ABHD3: variants seen among roughly 807,000 people sequenced by gnomAD.
ABHD3 encodes abhydrolase domain containing 3, phospholipase.
Under a neutral mutation model 48.8 loss-of-function variants are expected in ABHD3, and 46 were observed. The ratio of observed to expected loss-of-function variants is 0.94; its 90% CI spans 0.74 to 1.20. ABHD3 has a LOEUF of 1.20. Among genes scored for constraint, ABHD3 ranks in the 50% most tolerant of loss-of-function variants. The pLI, the probability that ABHD3 is intolerant of heterozygous loss-of-function variation, is 0.00. For synonymous variants in ABHD3, 192 were observed against 183.7 expected (o/e 1.04, Z -0.36); for missense variants, 490 against 497.8 (o/e 0.98, Z 0.15).
chr18:21,661,296 A>C (rs1178903049), intron 5 of ABHD3, among the ~76,000 whole-genome samples: 1 of 152,106 alleles, frequency 6.6e-6, no homozygotes, highest in Non-Finnish European at 1.5e-5. Context: ...AATTTTATTC[A>C]GGTGTAATAA....
chr18:21,662,813 A>G (rs1287970606), intron 5 of ABHD3, among the ~76,000 whole-genome samples: 1 of 152,206 alleles, frequency 6.6e-6, no homozygotes, highest in African/African-American at 2.4e-5. Flanking sequence ...TGAGGCTTCA[A>G]TGCGGCACGA....
At chr18:21,675,613 G>C (rs2039866374) in intron 4 of ABHD3, among the ~76,000 whole-genome samples, 1 of 151,968 alleles carries the variant, frequency 6.6e-6, no homozygotes, top group South Asian at 2.1e-4. Context: ...GTGGACCTCT[G>C]AAGTAGAGCC....
intron 3 of ABHD3, among the ~76,000 whole-genome samples, chr18:21,695,780 GTTTT>G (rs1282237046): frequency 6.6e-6 from 1 of 152,128 alleles, no homozygotes; most frequent in Non-Finnish European, 1.5e-5. Context: ...ACTATTTTGA[GTTTT>G]TTGTCACTTA....
intron 4 of ABHD3, among the ~76,000 whole-genome samples, chr18:21,680,381 T>C (rs150547604): frequency 2.0e-3 from 303 of 152,316 alleles, no homozygotes; most frequent in African/African-American, 7.0e-3. Flanking sequence ...ATTATCATAT[T>C]CAGTTAAGAA....
At chr18:21,660,635 A>G (rs2039470654) in intron 5 of ABHD3, among the ~76,000 whole-genome samples, 1 of 152,160 alleles carries the variant, frequency 6.6e-6, no homozygotes, top group Non-Finnish European at 1.5e-5. Flanking sequence ...CATGTTTTGA[A>G]ATAGGAGAAA....
At chr18:21,694,863 A>G (rs1304903817) in intron 3 of ABHD3, among the ~76,000 whole-genome samples, 4 of 152,036 alleles carry the variant, frequency 2.6e-5, no homozygotes, top group African/African-American at 7.2e-5. Flanking sequence ...CCTTCCCTCC[A>G]TAAAATGACC....
rs1375690999 is a variant in ABHD3, at chr18:21,650,956, A to G, written c.*635T>C. Reference sequence around the variant, plus strand: ...TGATATATATGTGTCCACATATACTATTTTAAAAATAAGCATGTAAATTAT... The same window carrying G: ...TGATATATATGTGTCCACATATACTGTTTTAAAAATAAGCATGTAAATTAT... On this transcript the variant is annotated 3_prime_UTR_variant, in exon 9 of 9. Coordinates refer to ENST00000289119, the MANE Select transcript of ABHD3 (RefSeq NM_138340.5). 6.6e-6 allele frequency: 1 copy of G among 152,162 alleles called. No individual in the cohort carries two copies. The highest frequency in any genetic ancestry group is 6.6e-5 in the Admixed American group (1 of 15,264). 9.4% of individuals were successfully genotyped at this position (152,162 alleles called of 1,614,324 possible). A position where few individuals can be genotyped will look rare whatever the true frequency, so the allele number is the denominator to read the frequency against.
chr18:21,670,271 G>GT (rs1347497369), intron 4 of ABHD3, among the ~76,000 whole-genome samples: 1 of 152,144 alleles, frequency 6.6e-6, no homozygotes, highest in Admixed American at 6.6e-5. Flanking sequence ...CGTGGGAATG[G>GT]TAAGTGCCAA....
At chr18:21,668,217 A>AAAGAAAG (rs1555679499) in intron 4 of ABHD3, among the ~76,000 whole-genome samples, 6 of 137,568 alleles carry the variant, frequency 4.4e-5, no homozygotes, top group Non-Finnish European at 9.4e-5. Flanking sequence ...AAAAAAAAAA[A>AAAGAAAG]AAAGAAAGAA....
chr18:21,700,953 A>AC (rs2040499070), intron 3 of ABHD3, among the ~76,000 whole-genome samples: 1 of 27,040 alleles, frequency 3.7e-5, no homozygotes, highest in Admixed American at 4.7e-4. Flanking sequence ...ATTTGGCCTC[A>AC]AAAAAAAAAA....
chr18:21,695,155 C>T (rs1001182672), intron 3 of ABHD3, among the ~76,000 whole-genome samples: 25 of 152,164 alleles, frequency 1.6e-4, no homozygotes, highest in Non-Finnish European at 3.2e-4. Flanking sequence ...GCCTCAGCCT[C>T]CCAAGTAGCT....
chr18:21,685,196 C>A (rs2040104014), intron 3 of ABHD3, among the ~76,000 whole-genome samples: 1 of 152,156 alleles, frequency 6.6e-6, no homozygotes. Context: ...TGTCTGATTA[C>A]CTATTCAACC....
intron 5 of ABHD3, among the ~76,000 whole-genome samples, chr18:21,660,213 G>A (rs2039460091): frequency 6.7e-6 from 1 of 149,624 alleles, no homozygotes; most frequent in Admixed American, 6.7e-5. Context: ...TAGCTCCTGA[G>A]GAGTTTGTAA....
intron 8 of ABHD3, chr18:21,654,745 G>A (rs552561280): frequency 2.7e-4 from 41 of 152,314 alleles, no homozygotes; most frequent in South Asian, 6.2e-4. Flanking sequence ...ACAAAAGGCT[G>A]GGCCACATTT....
At chr18:21,673,129 C>A (rs890176277) in intron 4 of ABHD3, among the ~76,000 whole-genome samples, 25 of 152,174 alleles carry the variant, frequency 1.6e-4, no homozygotes, top group African/African-American at 5.8e-4. Flanking sequence ...CGTGACTCAC[C>A]TGGGTCATGG....
At chr18:21,684,398 A>G (rs970463585) in intron 3 of ABHD3, among the ~76,000 whole-genome samples, 3 of 139,724 alleles carry the variant, frequency 2.1e-5, no homozygotes, top group African/African-American at 8.2e-5. Flanking sequence ...GCTCACTGCA[A>G]CCTCCGCCTC....
At chr18:21,665,412 TA>T (rs1346211217) in intron 4 of ABHD3, among the ~76,000 whole-genome samples, 137 of 152,054 alleles carry the variant, frequency 9.0e-4, no homozygotes, top group African/African-American at 3.3e-3. Flanking sequence ...GCAAATTTTT[TA>T]TTTTTTTGTA....
In ABHD3 at chr18:21,651,337, C is replaced by T. The variant is rs1360796851; in HGVS notation, c.*254G>A. 7.0e-6 allele frequency: 2 copies of T among 284,840 alleles called. No homozygotes were observed. Among genetic ancestry groups the T allele is most frequent in the Non-Finnish European group, 1.3e-5 (2 of 153,382 alleles). The allele number at this position is 284,840 out of a possible 1,614,324, so 17.6% of individuals were successfully genotyped here. A position where few individuals can be genotyped will look rare whatever the true frequency, so the allele number is the denominator to read the frequency against. On this transcript the variant is annotated 3_prime_UTR_variant, in exon 9 of 9. Coordinates refer to ENST00000289119, the MANE Select transcript of ABHD3 (RefSeq NM_138340.5). ...GGTTAAGTGCAATTTCATGTACATA[C>T]TACTTTGTTTAAGGATGTACTTGGT...
intron 1 of ABHD3, among the ~76,000 whole-genome samples, chr18:21,704,124 T>G (rs2040580704): frequency 6.6e-6 from 1 of 152,196 alleles, no homozygotes. Context: ...TGACCTCAGG[T>G]GATCCACCCG....
Sources: allele counts gnomAD v4.1 joint callset (sites outside exome capture counted in the v4.1 genomes callset), GRCh38; gene constraint gnomAD v4.1.1; transcripts MANE v1.5; gene names NCBI Gene and HGNC (gene_info 2026-07-23, HGNC 2026-07-21).